NFIB: variants seen among roughly 807,000 people sequenced by gnomAD.
NFIB encodes nuclear factor 1 B-type.
A neutral mutation model predicts 61.5 loss-of-function variants in NFIB; 11 were observed. The ratio of observed to expected loss-of-function variants is 0.18; its 90% CI spans 0.11 to 0.30. NFIB has a LOEUF of 0.30. Among genes scored for constraint, NFIB ranks in the 10% least tolerant of loss-of-function variants. The pLI is 1.00. For synonymous variants in NFIB, 260 were observed against 216.5 expected (o/e 1.20, Z -1.76); for missense variants, 471 against 608.9 (o/e 0.77, Z 2.38).
At chr9:14,130,657 G>A (rs1316346276) in intron 6 of NFIB, among the ~76,000 whole-genome samples, 1 of 151,740 alleles carries the variant, frequency 6.6e-6, no homozygotes, top group Non-Finnish European at 1.5e-5. Context: ...GAGGCTGGAA[G>A]AATATGCTAC....
intron 2 of NFIB, among the ~76,000 whole-genome samples, chr9:14,225,646 TATTA>T (rs2052300452): frequency 6.6e-6 from 1 of 152,024 alleles, no homozygotes; most frequent in African/African-American, 2.4e-5. Flanking sequence ...TTGCTTATAA[TATTA>T]AAGTCTGATA....
At chr9:14,216,077 A>G (rs536605999) in intron 2 of NFIB, among the ~76,000 whole-genome samples, 6 of 152,232 alleles carry the variant, frequency 3.9e-5, no homozygotes, top group Non-Finnish European at 8.8e-5. Context: ...ATTTAAATTT[A>G]GTCAAAAATA....
intron 2 of NFIB, among the ~76,000 whole-genome samples, chr9:14,189,585 C>T (rs866828782): frequency 2.5e-5 from 3 of 120,956 alleles, no homozygotes; most frequent in Admixed American, 2.5e-4. Flanking sequence ...AATTAGTACT[C>T]CTCCTCCCCC....
At chr9:14,411,701 TGAC>T in the NFIB span, among the ~76,000 whole-genome samples, 1,185 of 152,284 alleles carry the variant, frequency 7.8e-3, 9 homozygotes, top group Middle Eastern at 0.017. Context: ...TGGATGAGGA[TGAC>T]CGTCTCCATG....
chr9:14,119,903 A>T (rs1390418621), intron 8 of NFIB, among the ~76,000 whole-genome samples: 2 of 152,210 alleles, frequency 1.3e-5, no homozygotes, highest in Non-Finnish European at 2.9e-5. Context: ...CAAAAAAAAG[A>T]AAGACGCTTC....
At chr9:14,529,729 A>G in the NFIB span, among the ~76,000 whole-genome samples, 1 of 152,218 alleles carries the variant, frequency 6.6e-6, no homozygotes, top group Non-Finnish European at 1.5e-5. Context: ...AAAGTTTATT[A>G]AAACAGAATG....
intron 2 of NFIB, among the ~76,000 whole-genome samples, chr9:14,229,239 A>C (rs1267045521): frequency 6.6e-6 from 1 of 152,210 alleles, no homozygotes; most frequent in Non-Finnish European, 1.5e-5. Flanking sequence ...TATTGAACCA[A>C]TAACATATTA....
intron 2 of NFIB, among the ~76,000 whole-genome samples, chr9:14,251,143 C>A (rs977240805): frequency 1.3e-5 from 2 of 152,132 alleles, no homozygotes; most frequent in Admixed American, 6.6e-5. Context: ...TTGAAACATA[C>A]ATACAAAGAA....
At chr9:14,427,729 G>A in the NFIB span, among the ~76,000 whole-genome samples, 5,663 of 152,112 alleles carry the variant, frequency 0.037, 147 homozygotes, top group East Asian at 0.065. Flanking sequence ...TGCAGGAGTG[G>A]AGAAGGCTAA....
At chr9:14,216,421 G>C (rs551217192) in intron 2 of NFIB, among the ~76,000 whole-genome samples, 1 of 152,144 alleles carries the variant, frequency 6.6e-6, no homozygotes, top group Admixed American at 6.5e-5. Context: ...AGAAAGGCCG[G>C]AAGCAGGAGG....
chr9:14,109,199 C>A (rs947481144), intron 10 of NFIB, among the ~76,000 whole-genome samples: 2 of 151,990 alleles, frequency 1.3e-5, no homozygotes, highest in African/African-American at 4.8e-5. Context: ...AATTGTTAGA[C>A]TGAATTATAA....
chr9:14,164,472 C>A (rs1400450014), intron 3 of NFIB, among the ~76,000 whole-genome samples: 1 of 152,086 alleles, frequency 6.6e-6, no homozygotes, highest in Non-Finnish European at 1.5e-5. Context: ...CTAAACATAT[C>A]TGAACATAGC....
chr9:14,096,833 G>C (rs1184805043), intron 10 of NFIB, among the ~76,000 whole-genome samples: 1 of 152,170 alleles, frequency 6.6e-6, no homozygotes, highest in Non-Finnish European at 1.5e-5. Flanking sequence ...TTCCAAATTA[G>C]ATTATCTAAT....
At chr9:14,326,735 A>G (rs897012530) in intron 1 of NFIB, among the ~76,000 whole-genome samples, 11 of 151,696 alleles carry the variant, frequency 7.3e-5, no homozygotes, top group Admixed American at 2.0e-4. Flanking sequence ...TTATGACTCA[A>G]TGTGTGAAAA....
chr9:14,390,777 G>T (rs2061610367), intron 1 of NFIB, among the ~76,000 whole-genome samples: 1 of 152,156 alleles, frequency 6.6e-6, no homozygotes, highest in South Asian at 2.1e-4. Context: ...ACCAAGAAGT[G>T]GGCCCCCACC....
chr9:14,455,111 C>T, the NFIB span, among the ~76,000 whole-genome samples: 1 of 152,148 alleles, frequency 6.6e-6, no homozygotes, highest in Non-Finnish European at 1.5e-5. Flanking sequence ...ATGCCTGGCA[C>T]ATGGTAGGCC....
chr9:14,499,641 G>C, the NFIB span, among the ~76,000 whole-genome samples: 1 of 152,164 alleles, frequency 6.6e-6, no homozygotes, highest in Non-Finnish European at 1.5e-5. Context: ...GGAAAATAAT[G>C]CTTGTGAAGG....
At chr9:14,231,135 A>AAATATATATATATATAT (rs55959148) in intron 2 of NFIB, among the ~76,000 whole-genome samples, 33 of 35,332 alleles carry the variant, frequency 9.3e-4, no homozygotes, top group Non-Finnish European at 1.6e-3. Flanking sequence ...AAAAAAAAAA[A>AAATATATATATATATAT]ATATATATAT....
the NFIB span, among the ~76,000 whole-genome samples, chr9:14,523,442 G>A: frequency 6.6e-6 from 1 of 151,972 alleles, no homozygotes; most frequent in Non-Finnish European, 1.5e-5. Flanking sequence ...TGAGGTTTCT[G>A]TTATTCCTGC....
Sources: allele counts gnomAD v4.1 joint callset (sites outside exome capture counted in the v4.1 genomes callset), GRCh38; gene constraint gnomAD v4.1.1; transcripts MANE v1.5; gene names NCBI Gene and HGNC (gene_info 2026-07-23, HGNC 2026-07-21).